DCHS2: variants seen among roughly 807,000 people sequenced by gnomAD.
The protein encoded by DCHS2 is dachsous cadherin-related 2, also known as protocadherin-23.
In DCHS2, 142 loss-of-function variants were observed where a neutral mutation model predicts 182.4. That is an observed-to-expected ratio of 0.78 (90% CI 0.68 to 0.89). The LOEUF is 0.89. Among genes scored for constraint, DCHS2 ranks in the 40% least tolerant of loss-of-function variants. The pLI is 0.00. For synonymous variants in DCHS2, 1,740 were observed against 1,663.3 expected (o/e 1.05, Z -1.12); for missense variants, 4,319 against 4,198.6 (o/e 1.03, Z -0.79).
At position 154,477,333 on chromosome 4, in the gene DCHS2, G is replaced by A. The variant is rs547688081; in HGVS notation, c.2052+11971C>T. Among the ~76,000 whole-genome samples the A allele has an allele frequency of 8.0e-4, 121 of 152,018 alleles. 1 individual carries two copies. Among genetic ancestry groups the A allele is most frequent in the Admixed American group, 1.2e-3 (19 of 15,260 alleles). On this transcript the variant is annotated intron_variant, in intron 1 of 19. Transcript: ENST00000357232. ...CATCTAAACTAATTATCTCACAAAG[G>A]CCCCACCTCCCAAAAGGATCACATT...
At chr4:154,369,427 A>G (rs1035687473) in intron 2 of DCHS2, among the ~76,000 whole-genome samples, 1 of 152,212 alleles carries the variant, frequency 6.6e-6, no homozygotes, top group African/African-American at 2.4e-5. Flanking sequence ...CACAGAACAC[A>G]GTGCGGGAAT....
chr4:154,489,963 C>T lies in DCHS2; in HGVS notation c.1393G>A (p.Gly465Arg), dbSNP rs773082855. ...TGELGVGLGD[G>R]SISLSLEGGE... ...CCTTCCAAGGACAGAGAGATGCTCC[C>T]GTCTCCAAGACCCACACCAAGCTCC... The change falls in exon 1 of 20, where the codon GGG becomes AGG. Residue 465 changes from glycine (G) to arginine (R), a missense_variant. By Grantham distance (125) the Gly-to-Arg change is moderately radical (BLOSUM62 -2). Transcript: ENST00000357232. 1 of 1,544,862 alleles carries T rather than the reference C, an allele frequency of 6.5e-7. No individual in the cohort carries two copies. The highest frequency in any genetic ancestry group is 8.8e-7 in the Non-Finnish European group (1 of 1,142,734).
chr4:154,285,916 G>T (rs1490062587), intron 13 of DCHS2, among the ~76,000 whole-genome samples: 2 of 152,106 alleles, frequency 1.3e-5, no homozygotes, highest in African/African-American at 4.8e-5. Context: ...GCCTTCAAGG[G>T]GACCCAGTGC....
At chr4:154,238,782 T>C (rs936357609) in intron 19 of DCHS2, among the ~76,000 whole-genome samples, 45 of 152,160 alleles carry the variant, frequency 3.0e-4, no homozygotes, top group African/African-American at 1.1e-3. Flanking sequence ...GCATCCAGAC[T>C]CTAGTAATAT....
chr4:154,442,050 C>G (rs1319398354), intron 1 of DCHS2, among the ~76,000 whole-genome samples: 1 of 152,110 alleles, frequency 6.6e-6, no homozygotes, highest in Non-Finnish European at 1.5e-5. Flanking sequence ...CCATACTCAT[C>G]CCCTACTCCA....
chr4:154,283,437 A>AT (rs900659795), intron 13 of DCHS2, among the ~76,000 whole-genome samples: 1 of 145,332 alleles, frequency 6.9e-6, no homozygotes, highest in Non-Finnish European at 1.5e-5. Context: ...AAAACTGCTT[A>AT]TTTTTTTATA....
At chr4:154,440,070 A>G (rs771623416) in intron 1 of DCHS2, among the ~76,000 whole-genome samples, 3 of 152,196 alleles carry the variant, frequency 2.0e-5, no homozygotes, top group African/African-American at 4.8e-5. Context: ...AAAGTTAACT[A>G]TTCTTCCTCT....
chr4:154,426,255 T>G (rs752748393), intron 1 of DCHS2, among the ~76,000 whole-genome samples: 9 of 152,210 alleles, frequency 5.9e-5, no homozygotes, highest in Non-Finnish European at 1.2e-4. Context: ...AAAAATACAC[T>G]GATATATCTC....
chr4:154,264,884 C>G (rs1370353741), intron 14 of DCHS2, among the ~76,000 whole-genome samples: 1 of 151,910 alleles, frequency 6.6e-6, no homozygotes. Context: ...ACTAATAATG[C>G]CTAATTTGAA....
chr4:154,331,042 C>T (rs1255435936), intron 5 of DCHS2, among the ~76,000 whole-genome samples: 1 of 152,040 alleles, frequency 6.6e-6, no homozygotes, highest in Non-Finnish European at 1.5e-5. Context: ...AAGTCCTGGT[C>T]ACTTGTAGGA....
chr4:154,403,687 A>G (rs763863887), intron 1 of DCHS2, among the ~76,000 whole-genome samples: 47 of 152,268 alleles, frequency 3.1e-4, no homozygotes, highest in Non-Finnish European at 5.9e-4. Context: ...CCGTCGCCCT[A>G]TATTTTCTGA....
chr4:154,350,311 A>G (rs894368053), intron 3 of DCHS2, among the ~76,000 whole-genome samples: 7 of 152,240 alleles, frequency 4.6e-5, no homozygotes, highest in Non-Finnish European at 1.0e-4. Flanking sequence ...TAGATTATAC[A>G]TCTAACAACT....
At chr4:154,419,821 CAAAA>C (rs369876828) in intron 1 of DCHS2, among the ~76,000 whole-genome samples, 1 of 122,560 alleles carries the variant, frequency 8.2e-6, no homozygotes, top group Admixed American at 8.3e-5. Flanking sequence ...AGAACAAGAC[CAAAA>C]AAAAAAAAAA....
chr4:154,459,119 C>A (rs561031838), intron 1 of DCHS2, among the ~76,000 whole-genome samples: 39 of 152,256 alleles, frequency 2.6e-4, no homozygotes, highest in Non-Finnish European at 5.0e-4. Flanking sequence ...TTCCTACTCC[C>A]CATGTGTGGA....
intron 16 of DCHS2, among the ~76,000 whole-genome samples, chr4:154,247,635 CAAAAAAAAAAA>C (rs67157369): frequency 6.0e-5 from 6 of 100,140 alleles, no homozygotes; most frequent in African/African-American, 2.4e-4. Flanking sequence ...GACTCCGTCT[CAAAAAAAAAAA>C]AAAAAAAAAA....
At chr4:154,259,852 T>C in intron 14 of DCHS2, 96 bp from the exon 15 acceptor site, 1 of 1,326,152 alleles carries the variant, frequency 7.5e-7, no homozygotes, top group Non-Finnish European at 9.9e-7. Context: ...AGACAGAGTC[T>C]CGCACTGTCG....
intron 1 of DCHS2, among the ~76,000 whole-genome samples, chr4:154,423,312 C>T (rs963462578): frequency 6.6e-6 from 1 of 152,142 alleles, no homozygotes; most frequent in Non-Finnish European, 1.5e-5. Flanking sequence ...ATATGTGGTC[C>T]TTTGTGACCA....
chr4:154,238,285 C>G (rs929824058), intron 19 of DCHS2, among the ~76,000 whole-genome samples: 3 of 152,160 alleles, frequency 2.0e-5, no homozygotes, highest in African/African-American at 7.2e-5. Context: ...ATTTACAACA[C>G]CCGGTGGGCT....
At chr4:154,245,817 G>A (rs1253630157) in intron 16 of DCHS2, among the ~76,000 whole-genome samples, 1 of 152,144 alleles carries the variant, frequency 6.6e-6, no homozygotes, top group Non-Finnish European at 1.5e-5. Flanking sequence ...TTGCAGATGA[G>A]TGGGCCAAAG....
Sources: gnomAD v4.1 joint callset for allele counts (sites outside exome capture counted in the v4.1 genomes callset) on GRCh38, gnomAD v4.1.1 for gene constraint, MANE v1.5 for transcripts, NCBI Gene and HGNC (gene_info 2026-07-23, HGNC 2026-07-21) for gene names.